Variants in DNAH14 observed in about 807,000 individuals in gnomAD.
DNAH14 encodes axonemal beta dynein heavy chain 14.
In DNAH14, 478 loss-of-function variants were observed where a neutral mutation model predicts 520.9. The observed-to-expected ratio is 0.92, with a 90% confidence interval of 0.85 to 0.99. The LOEUF is 0.99. Ranked by LOEUF, DNAH14 falls within the 50% of genes least tolerant of loss-of-function variation. The pLI, the probability that DNAH14 is intolerant of heterozygous loss-of-function variation, is 0.00. For synonymous variants in DNAH14, 1,581 were observed against 1,757.2 expected (o/e 0.90, Z 2.51); for missense variants, 4,831 against 5,234.5 (o/e 0.92, Z 2.38).
rs1212475595 is a variant in DNAH14, at chr1:225,393,813, TGTTTTTTTTTTG to T, written c.13491+1363_13491+1374del. On this transcript the variant is annotated intron_variant, in intron 84 of 85. Coordinates refer to ENST00000682510, the MANE Select transcript of DNAH14 (RefSeq NM_001367479.1). ...GGACGTGCAGTGATATATCTTTTTT[TGTTTTTTTTTTG>T]TTTTTTTTTTTGAGACGGAGTCTTG... Among the ~76,000 whole-genome samples the T allele has an allele frequency of 1.9e-4, 26 of 140,260 alleles. 1 individual carries two copies. Among genetic ancestry groups the T allele is most frequent in the African/African-American group, 7.4e-4 (25 of 33,878 alleles). The allele number at this position is 140,260 out of a possible 152,430, so 92.0% of individuals were successfully genotyped here.
At position 225,238,711 on chromosome 1, in the gene DNAH14, C is replaced by G. The variant is rs939046848; in HGVS notation, c.6519-1882C>G. Among the ~76,000 whole-genome samples the G allele has an allele frequency of 3.9e-5, 6 of 152,240 alleles. No homozygotes were observed. The South Asian group carries it at 1.2e-3, about 32-fold the overall frequency. The stretch of plus-strand genomic sequence containing the variant: ...ACCTGGACTCTCCATAGCTGGCAGG[C>G]TGGAACAGCTGAGTCAATCAAACCA... On this transcript the variant is annotated intron_variant, in intron 42 of 85. Transcript: ENST00000682510.
intron 60 of DNAH14, among the ~76,000 whole-genome samples, chr1:225,314,551 G>C (rs1326739350): frequency 6.6e-6 from 1 of 152,094 alleles, no homozygotes; most frequent in Non-Finnish European, 1.5e-5. Flanking sequence ...TTACATTTTG[G>C]TATGTTTTTG....
At chr1:225,290,187 A>C (rs998274137) in intron 55 of DNAH14, 105 bp downstream of exon 55, 22 of 795,470 alleles carry the variant, frequency 2.8e-5, no homozygotes, top group Non-Finnish European at 4.0e-5. Context: ...ATATTTATCA[A>C]TGGTTCTATT....
rs1267761079 is a variant in DNAH14, at chr1:225,259,156, CAAATGCTTGAAAAGCTAG to C, written c.7062_7079del (p.Met2355_Glu2360del). 3 of 1,544,522 alleles carry C rather than the reference CAAATGCTTGAAAAGCTAG, an allele frequency of 1.9e-6. No individual in the cohort carries two copies. Among genetic ancestry groups the C allele is most frequent in the South Asian group, 1.2e-5 (1 of 82,434 alleles). On this transcript the variant is annotated inframe_deletion, in exon 46 of 86. Coordinates refer to ENST00000682510, the MANE Select transcript of DNAH14 (RefSeq NM_001367479.1). ...TGTTGGGAAAACTGCTGCCATTAAT[CAAATGCTTGAAAAGCTAG>C]AGGGTCCAGGAGCATTTGACATAAA...
At chr1:225,304,843 A>G (rs1995482) in intron 57 of DNAH14, 65 bp from the exon 58 acceptor site, 443,972 of 1,336,102 alleles carry the variant, frequency 0.33, 76,844 homozygotes, top group East Asian at 0.47. Flanking sequence ...CTAAGTGTTC[A>G]ACTTTCTCTT....
intron 43 of DNAH14, among the ~76,000 whole-genome samples, chr1:225,252,092 G>T (rs1300311735): frequency 2.6e-5 from 4 of 152,114 alleles, no homozygotes; most frequent in African/African-American, 9.7e-5. Context: ...TTGCTTTCTG[G>T]ATATAAAGAG....
At chr1:225,173,716 T>C (rs1451744537) in intron 36 of DNAH14, among the ~76,000 whole-genome samples, 1 of 152,200 alleles carries the variant, frequency 6.6e-6, no homozygotes, top group Non-Finnish European at 1.5e-5. Flanking sequence ...TCTTCAGGGA[T>C]CTTGAACTAG....
chr1:225,261,512 A>G (rs1006326386), intron 46 of DNAH14, among the ~76,000 whole-genome samples: 7 of 152,110 alleles, frequency 4.6e-5, no homozygotes, highest in Non-Finnish European at 8.8e-5. Flanking sequence ...ATGGTGAATA[A>G]TCCTTTTAAT....
intron 73 of DNAH14, among the ~76,000 whole-genome samples, chr1:225,355,002 T>C (rs987246805): frequency 6.6e-6 from 1 of 152,222 alleles, no homozygotes; most frequent in African/African-American, 2.4e-5. Context: ...AGGTGCAATT[T>C]ATTACTAATC....
At position 224,952,736 on chromosome 1, in the gene DNAH14, G is replaced by A. The variant is rs2060257426; in HGVS notation, c.34G>A (p.Glu12Lys). ...ETFIPIDLTT[E>K]NQEMDKEETK... ...GTTTATACCCATTGATTTGACAACT[G>A]AAAATCAAGAGATGGACAAGGAGGA... Residue 12 changes from glutamate to lysine, a missense_variant, in exon 2 of 86, where the codon GAA becomes AAA. Physicochemically the swap from Glu to Lys is moderately conservative, Grantham distance 56. Coordinates refer to ENST00000682510, the MANE Select transcript of DNAH14 (RefSeq NM_001367479.1). 1 of 1,603,926 alleles carries A rather than the reference G, an allele frequency of 6.2e-7. No homozygotes were observed. Among genetic ancestry groups the A allele is most frequent in the Non-Finnish European group, 8.5e-7 (1 of 1,175,446 alleles).
intron 38 of DNAH14, among the ~76,000 whole-genome samples, chr1:225,195,277 G>C (rs753389376): frequency 1.3e-5 from 2 of 152,124 alleles, no homozygotes; most frequent in African/African-American, 2.4e-5. Context: ...ATCAATGGTA[G>C]ACTGGATAAA....
chr1:225,054,460 T>G (rs1364973808), intron 17 of DNAH14, among the ~76,000 whole-genome samples: 1 of 152,176 alleles, frequency 6.6e-6, no homozygotes, highest in Non-Finnish European at 1.5e-5. Flanking sequence ...AAAATTAAGT[T>G]ATTTCATTAT....
intron 71 of DNAH14, among the ~76,000 whole-genome samples, chr1:225,346,999 G>C (rs2095295508): frequency 6.6e-6 from 1 of 152,080 alleles, no homozygotes; most frequent in South Asian, 2.1e-4. Context: ...TTGAAAATTT[G>C]AAACACAAAA....
chr1:225,032,431 A>G (rs2066599450), intron 11 of DNAH14, among the ~76,000 whole-genome samples: 1 of 152,222 alleles, frequency 6.6e-6, no homozygotes, highest in East Asian at 1.9e-4. Context: ...ATATGGCTGC[A>G]TCGTATTCCA....
intron 71 of DNAH14, among the ~76,000 whole-genome samples, chr1:225,348,690 AC>A (rs2095322019): frequency 6.6e-6 from 1 of 152,224 alleles, no homozygotes; most frequent in Non-Finnish European, 1.5e-5. Flanking sequence ...GGAGTTTATT[AC>A]CACTAGAACT....
chr1:225,059,456 C>G (rs2069670611), intron 17 of DNAH14, among the ~76,000 whole-genome samples: 1 of 152,172 alleles, frequency 6.6e-6, no homozygotes, highest in Non-Finnish European at 1.5e-5. Context: ...ATACAGCACA[C>G]TGATGGGTCT....
chr1:224,970,216 G>T (rs964571920), intron 7 of DNAH14, among the ~76,000 whole-genome samples: 2 of 152,112 alleles, frequency 1.3e-5, no homozygotes, highest in African/African-American at 4.8e-5. Flanking sequence ...AAGCTGTAGG[G>T]ATGAAATAAG....
At chr1:225,072,277 C>A (rs3105551) in intron 17 of DNAH14, among the ~76,000 whole-genome samples, 121,331 of 152,116 alleles carry the variant, frequency 0.8, 51,756 homozygotes, top group Non-Finnish European at 0.96. Flanking sequence ...GTTTTATTTC[C>A]GAAAGGCAGT....
chr1:225,058,658 G>C (rs2069523225), intron 17 of DNAH14, among the ~76,000 whole-genome samples: 1 of 152,014 alleles, frequency 6.6e-6, no homozygotes, highest in Admixed American at 6.6e-5. Context: ...GCTTTCTCTT[G>C]TGGGCATTTA....
Sources: gnomAD v4.1 joint callset for allele counts (sites outside exome capture counted in the v4.1 genomes callset) on GRCh38, gnomAD v4.1.1 for gene constraint, MANE v1.5 for transcripts, NCBI Gene and HGNC (gene_info 2026-07-23, HGNC 2026-07-21) for gene names.